ERC2: variants seen among roughly 807,000 people sequenced by gnomAD.
ERC2 encodes ELKS/RAB6-interacting/CAST family member 2, also known as ERC protein 2.
In ERC2, 42 loss-of-function variants were observed where a neutral mutation model predicts 114.8. The ratio of observed to expected loss-of-function variants is 0.37; its 90% CI spans 0.29 to 0.47. The LOEUF (loss-of-function observed/expected upper bound fraction) is 0.47. Ranked by LOEUF, ERC2 falls within the 20% of genes least tolerant of loss-of-function variation. The probability of loss-of-function intolerance (pLI) is 0.99; values close to 1 mark genes in which losing one functional copy is unlikely to be tolerated. For missense variants in ERC2, 939 were observed against 1,150.7 expected, an observed-to-expected ratio of 0.82 and a Z score of 2.66; for synonymous variants, 454 against 425.5, an observed-to-expected ratio of 1.07 and a Z score of -0.82.
chr3:55,629,015 A>T (rs2059635191), intron 17 of ERC2, among the ~76,000 whole-genome samples: 1 of 152,114 alleles, frequency 6.6e-6, no homozygotes, highest in Non-Finnish European at 1.5e-5. Flanking sequence ...ACCATTTGGG[A>T]CTAAGAAGCA....
chr3:55,627,918 CG>C (rs1445980287), intron 17 of ERC2, among the ~76,000 whole-genome samples: 1 of 82,306 alleles, frequency 1.2e-5, no homozygotes, highest in Non-Finnish European at 2.4e-5. Flanking sequence ...AGAAAGGGGG[CG>C]GGGGTCATAT....
At chr3:55,543,925 G>A (rs2054572186) in intron 17 of ERC2, among the ~76,000 whole-genome samples, 1 of 152,164 alleles carries the variant, frequency 6.6e-6, no homozygotes. Context: ...AGATTCTCAA[G>A]AACAAGAACC....
intron 17 of ERC2, among the ~76,000 whole-genome samples, chr3:55,557,461 A>G (rs2055697302): frequency 6.6e-6 from 1 of 152,208 alleles, no homozygotes; most frequent in African/African-American, 2.4e-5. Flanking sequence ...TGGGTTGCTG[A>G]GGGAAGGGTT....
chr3:55,587,626 C>T (rs748590485), intron 17 of ERC2, among the ~76,000 whole-genome samples: 5 of 152,176 alleles, frequency 3.3e-5, no homozygotes, highest in African/African-American at 4.8e-5. Context: ...TTAATTTAAA[C>T]TTGCCTACTT....
chr3:55,841,503 C>T (rs1387055740), intron 14 of ERC2, among the ~76,000 whole-genome samples: 1 of 152,114 alleles, frequency 6.6e-6, no homozygotes. Flanking sequence ...TACCCAGTCT[C>T]GGGTATGTCT....
chr3:56,118,679 C>T (rs1269894130), intron 6 of ERC2, among the ~76,000 whole-genome samples: 2 of 150,488 alleles, frequency 1.3e-5, no homozygotes, highest in African/African-American at 4.9e-5. Flanking sequence ...CTCTGTCGCC[C>T]AGGCTGGAGT....
chr3:55,670,258 T>C (rs1158788787), intron 17 of ERC2, among the ~76,000 whole-genome samples: 1 of 152,180 alleles, frequency 6.6e-6, no homozygotes, highest in African/African-American at 2.4e-5. Flanking sequence ...ATATGCAGAC[T>C]GGACATTCTA....
At chr3:55,840,568 C>T (rs1477868047) in intron 14 of ERC2, among the ~76,000 whole-genome samples, 2 of 151,908 alleles carry the variant, frequency 1.3e-5, no homozygotes, top group Non-Finnish European at 2.9e-5. Context: ...GGAAAACAGT[C>T]AACGATTTCT....
chr3:56,024,376 C>T (rs1187647809), intron 7 of ERC2, among the ~76,000 whole-genome samples: 1 of 152,212 alleles, frequency 6.6e-6, no homozygotes, highest in African/African-American at 2.4e-5. Context: ...GGCAATACTA[C>T]ATATTAACTT....
chr3:56,419,176 C>A (rs904204075), intron 2 of ERC2, among the ~76,000 whole-genome samples: 1 of 152,310 alleles, frequency 6.6e-6, no homozygotes, highest in East Asian at 1.9e-4. Flanking sequence ...TAACTGGGAA[C>A]ATGATAGGTA....
intron 13 of ERC2, among the ~76,000 whole-genome samples, chr3:55,936,879 T>G (rs975302208): frequency 1.3e-5 from 2 of 152,222 alleles, no homozygotes; most frequent in African/African-American, 4.8e-5. Context: ...GCATTTACTC[T>G]GTGCCGGATG....
At chr3:55,964,508 T>A (rs1358273430) in intron 12 of ERC2, among the ~76,000 whole-genome samples, 1 of 152,154 alleles carries the variant, frequency 6.6e-6, no homozygotes, top group East Asian at 1.9e-4. Flanking sequence ...TAAAGCAAGT[T>A]ATACACTCTT....
At chr3:55,686,189 C>A (rs1027165043) in intron 16 of ERC2, among the ~76,000 whole-genome samples, 1 of 152,086 alleles carries the variant, frequency 6.6e-6, no homozygotes, top group Non-Finnish European at 1.5e-5. Context: ...TATTAAAAAC[C>A]AGATGTTCAG....
chr3:56,161,727 C>T (rs977072206), intron 4 of ERC2, among the ~76,000 whole-genome samples: 3 of 152,014 alleles, frequency 2.0e-5, no homozygotes, highest in African/African-American at 7.2e-5. Context: ...AGAAATGTTA[C>T]TGATTTTATT....
Position 56,335,450 on chromosome 3 carries a change from G to A in ERC2, c.658-39015C>T, listed in dbSNP as rs886403263. Among the ~76,000 whole-genome samples the A allele has an allele frequency of 1.2e-4, 18 of 152,270 alleles. No homozygotes were observed. The South Asian group carries it at 1.2e-3, about 11-fold the overall frequency. On this transcript the variant is annotated intron_variant, in intron 2 of 17. Transcript: ENST00000288221. The stretch of plus-strand genomic sequence containing the variant: ...AATTTTTTTGAGTCAACAAAAAAGC[G>A]ATGATTTTTTAAAACTGGGGTGAGG...
In ERC2 at chr3:55,648,503, T is replaced by C. The variant is rs769233279; in HGVS notation, c.*39+35291A>G. ...GCAGGCATTAGGATGAGGATGACAGTTCTGTGGGAGCCACAGAGATGTGTC... is the reference window on the plus strand; with the variant it reads ...GCAGGCATTAGGATGAGGATGACAGCTCTGTGGGAGCCACAGAGATGTGTC... On this transcript the variant is annotated intron_variant, in intron 17 of 17. Coordinates refer to ENST00000288221, the MANE Select transcript of ERC2 (RefSeq NM_015576.3). Among the ~76,000 whole-genome samples the C allele has an allele frequency of 6.4e-4, 98 of 152,336 alleles. 1 individual carries two copies. Among genetic ancestry groups the C allele is most frequent in the Non-Finnish European group, 1.1e-3 (76 of 68,032 alleles).
intron 13 of ERC2, among the ~76,000 whole-genome samples, chr3:55,948,172 C>A (rs1343176303): frequency 6.6e-6 from 1 of 152,178 alleles, no homozygotes; most frequent in Non-Finnish European, 1.5e-5. Context: ...TCTTTGAAGC[C>A]TGATCCACTA....
chr3:55,720,874 T>C (rs1048496863), intron 15 of ERC2, among the ~76,000 whole-genome samples: 1 of 152,224 alleles, frequency 6.6e-6, no homozygotes, highest in African/African-American at 2.4e-5. Flanking sequence ...ATCAGCATCT[T>C]GTACATTTCT....
intron 11 of ERC2, among the ~76,000 whole-genome samples, chr3:55,991,784 C>T (rs11719887): frequency 0.013 from 1,990 of 152,250 alleles, 11 homozygotes; most frequent in African/African-American, 0.028. Flanking sequence ...TTACACACTT[C>T]GCTGGAAAAA....
Sources: gnomAD v4.1 joint callset for allele counts (sites outside exome capture counted in the v4.1 genomes callset) on GRCh38, gnomAD v4.1.1 for gene constraint, MANE v1.5 for transcripts, NCBI Gene and HGNC (gene_info 2026-07-23, HGNC 2026-07-21) for gene names.